The following NOL10 variants were observed in gnomAD, a reference collection of about 807,000 sequenced individuals.
NOL10 encodes nucleolar protein 10.
Under a neutral mutation model 103.5 loss-of-function variants are expected in NOL10, and 58 were observed. The ratio of observed to expected loss-of-function variants is 0.56; its 90% confidence interval spans 0.45 to 0.70. The LOEUF (loss-of-function observed/expected upper bound fraction) is 0.70, where lower values mean the gene tolerates loss of function less well. Among genes scored for constraint, NOL10 ranks in the 30% least tolerant of loss-of-function variants. NOL10 has a pLI of 0.00. For synonymous variants in NOL10, 287 were observed against 282.5 expected, an observed-to-expected ratio of 1.02 and a Z score of -0.16; for missense variants, 763 against 807.3, an observed-to-expected ratio of 0.95 and a Z score of 0.67.
intron 13 of NOL10, among the ~76,000 whole-genome samples, chr2:10,624,937 G>A (rs1677367678): frequency 1.3e-5 from 2 of 152,304 alleles, no homozygotes; most frequent in South Asian, 4.1e-4. Context: ...ATGTTATTCA[G>A]CGATAAAGGA....
At chr2:10,583,101 C>T (rs901982411) in intron 19 of NOL10, among the ~76,000 whole-genome samples, 15 of 152,184 alleles carry the variant, frequency 9.9e-5, no homozygotes, top group East Asian at 7.7e-4. Flanking sequence ...CCCTGAGACA[C>T]GCTCCAGGTT....
At chr2:10,669,087 T>A (rs1042903664) in intron 6 of NOL10, among the ~76,000 whole-genome samples, 1 of 150,892 alleles carries the variant, frequency 6.6e-6, no homozygotes, top group African/African-American at 2.4e-5. Context: ...GAATTTTTTC[T>A]TTTTTTTTGT....
chr2:10,622,230 T>C, intron 13 of NOL10: 4 of 464,096 alleles, frequency 8.6e-6, no homozygotes, highest in South Asian at 6.3e-5. Context: ...CAAAACACTA[T>C]GCAACTATTA....
intron 13 of NOL10, among the ~76,000 whole-genome samples, chr2:10,633,451 A>G (rs1677972504): frequency 6.6e-6 from 1 of 151,228 alleles, no homozygotes; most frequent in Non-Finnish European, 1.5e-5. Flanking sequence ...TTAATTATAT[A>G]TTGATATATT....
In NOL10 at chr2:10,577,822, A is replaced by T. The variant is rs180951117; in HGVS notation, c.1845-84T>A. On this transcript the variant is annotated intron_variant, in intron 19 of 20. Coordinates refer to ENST00000381685, the MANE Select transcript of NOL10 (RefSeq NM_024894.4). ...GAAACAAGTTTTGATTAGAATTGAT[A>T]GCGAAGAAAAATGTTTACACATGTA... 985 of 883,512 alleles carry T rather than the reference A, an allele frequency of 1.1e-3. 8 individuals carry two copies. The highest frequency in any genetic ancestry group is 0.01 in the African/African-American group (626 of 59,674). The allele number at this position is 883,512 out of a possible 1,614,324, so 54.7% of individuals were successfully genotyped here. A position where few individuals can be genotyped will look rare whatever the true frequency, so the allele number is the denominator to read the frequency against.
chr2:10,642,770 T>C (rs1358712667), intron 13 of NOL10, among the ~76,000 whole-genome samples: 1 of 152,036 alleles, frequency 6.6e-6, no homozygotes, highest in Non-Finnish European at 1.5e-5. Flanking sequence ...CTTCAAAGTC[T>C]CTCCCTCTGG....
intron 17 of NOL10, among the ~76,000 whole-genome samples, chr2:10,599,873 A>G (rs7600728): frequency 0.59 from 89,915 of 151,954 alleles, 27,614 homozygotes; most frequent in African/African-American, 0.74. Context: ...CAGTGTGCCA[A>G]GAGCTAGGAA....
chr2:10,644,385 A>G lies in NOL10; in HGVS notation c.974-13T>C. 1 of 1,528,798 alleles carries G rather than the reference A, an allele frequency of 6.5e-7. No homozygotes were observed. The highest frequency in any genetic ancestry group is 8.8e-7 in the Non-Finnish European group (1 of 1,138,898). The allele number at this position is 1,528,798 out of a possible 1,614,324, so 94.7% of individuals were successfully genotyped here. A position where few individuals can be genotyped will look rare whatever the true frequency, so the allele number is the denominator to read the frequency against. On this transcript the variant is annotated splice_polypyrimidine_tract_variant and intron_variant, in intron 12 of 20. Transcript: ENST00000381685. ...GTCAGAAGCATGCCTAAAAATAAAT[A>G]CAATGAAAAAGGTCAATGCATAGGA...
At chr2:10,666,628 A>C (rs186667433) in intron 8 of NOL10, among the ~76,000 whole-genome samples, 97 of 152,252 alleles carry the variant, frequency 6.4e-4, no homozygotes, top group African/African-American at 2.2e-3. Context: ...CTGGCCTGTA[A>C]ATTTTTTTAA....
chr2:10,638,356 A>G (rs1181351397), intron 13 of NOL10, among the ~76,000 whole-genome samples: 5 of 151,288 alleles, frequency 3.3e-5, no homozygotes, highest in Admixed American at 6.6e-5. Flanking sequence ...ACGTAACGTA[A>G]CGTAACAGTA....
intron 13 of NOL10, among the ~76,000 whole-genome samples, chr2:10,608,709 G>A (rs2110777): frequency 0.056 from 8,498 of 152,184 alleles, 393 homozygotes; most frequent in Admixed American, 0.099. Context: ...AACAGCCCCT[G>A]TTAACACCCT....
chr2:10,633,924 T>G (rs1327961221), intron 13 of NOL10, among the ~76,000 whole-genome samples: 3 of 152,100 alleles, frequency 2.0e-5, no homozygotes, highest in Non-Finnish European at 4.4e-5. Context: ...ACTCCTGGGC[T>G]CAAGGGATCC....
intron 13 of NOL10, among the ~76,000 whole-genome samples, chr2:10,642,208 T>C (rs1678744526): frequency 6.6e-6 from 1 of 152,190 alleles, no homozygotes; most frequent in Non-Finnish European, 1.5e-5. Context: ...CAGCTCTCTA[T>C]CAATGAACAC....
Position 10,577,722 on chromosome 2 carries a change from G to T in NOL10, c.1861C>A (p.Arg621Ser), listed in dbSNP as rs1381204539. Residue 621 changes from arginine to serine, a missense_variant, in exon 20 of 21, where the codon CGT becomes AGT. Physicochemically the swap from Arg to Ser is moderately radical, Grantham distance 110 (BLOSUM62 -1). Coordinates refer to ENST00000381685, the MANE Select transcript of NOL10 (RefSeq NM_024894.4). ...QKLMNKTLEDRLKIEAKNGTL... is the reference protein window; with the variant it reads ...QKLMNKTLEDSLKIEAKNGTL... ...CCATTTTTTGCTTCAATTTTCAAAC[G>T]ATCTTCAAGGGTTTTGCTATGGGAA... 1.2e-6 allele frequency: 2 copies of T among 1,607,988 alleles called. No homozygotes were observed. Among genetic ancestry groups the T allele is most frequent in the Admixed American group, 1.7e-5 (1 of 59,506 alleles).
At chr2:10,573,213 G>A (rs1335333882) in intron 20 of NOL10, among the ~76,000 whole-genome samples, 1 of 151,322 alleles carries the variant, frequency 6.6e-6, no homozygotes, top group East Asian at 1.9e-4. Flanking sequence ...CTTTTTTTTT[G>A]AGATGGAGTC....
At chr2:10,635,117 C>G (rs1240852481) in intron 13 of NOL10, among the ~76,000 whole-genome samples, 2 of 152,084 alleles carry the variant, frequency 1.3e-5, no homozygotes, top group South Asian at 4.1e-4. Context: ...ATTCATGCTT[C>G]ATATACACTT....
chr2:10,622,708 G>A (rs1677217816), intron 13 of NOL10, among the ~76,000 whole-genome samples: 1 of 152,118 alleles, frequency 6.6e-6, no homozygotes, highest in Non-Finnish European at 1.5e-5. Flanking sequence ...GATATTCAAA[G>A]TGTAGATAAT....
At chr2:10,579,928 C>T (rs12692412) in intron 19 of NOL10, among the ~76,000 whole-genome samples, 46,240 of 152,040 alleles carry the variant, frequency 0.3, 7,757 homozygotes, top group Non-Finnish European at 0.38. Context: ...CTTACTTCCT[C>T]CATGATAGGG....
rs56031158 is a variant in NOL10, at chr2:10,649,311, A to ATTTT, written c.974-4943_974-4940dup. Among the ~76,000 whole-genome samples, 84 of 99,060 alleles carry ATTTT rather than the reference A, an allele frequency of 8.5e-4. 8 individuals carry two copies. Among genetic ancestry groups the ATTTT allele is most frequent in the African/African-American group, 2.6e-3 (63 of 24,144 alleles). The allele number at this position is 99,060 out of a possible 152,430, so 65.0% of individuals were successfully genotyped here. ...TTTTTCAACTTTTCTGTATGTTTGA[A>ATTTT]TTTTTTTTTTTTTTTTTTTTTTTTT... On this transcript the variant is annotated intron_variant, in intron 12 of 20. Coordinates refer to ENST00000381685, the MANE Select transcript of NOL10 (RefSeq NM_024894.4).
Sources: allele counts gnomAD v4.1 joint callset (sites outside exome capture counted in the v4.1 genomes callset), GRCh38; gene constraint gnomAD v4.1.1; transcripts MANE v1.5; gene names NCBI Gene and HGNC (gene_info 2026-07-23, HGNC 2026-07-21).